The following NEK1 variants were observed in gnomAD, a reference collection of about 807,000 sequenced individuals.
The protein encoded by NEK1 is serine/threonine-protein kinase Nek1.
NEK1 carries 137 observed loss-of-function variants against 182.1 expected under a neutral mutation model. That is an observed-to-expected ratio of 0.75 (90% CI 0.65 to 0.87). The LOEUF is 0.87. Among genes scored for constraint, NEK1 ranks in the 40% least tolerant of loss-of-function variants. The pLI, the probability that NEK1 is intolerant of heterozygous loss-of-function variation, is 0.00. For synonymous variants in NEK1, 513 were observed against 492.2 expected (o/e 1.04, Z -0.56); for missense variants, 1,391 against 1,494.4 (o/e 0.93, Z 1.14).
chr4:169,418,916 C>G (rs1012042768), intron 31 of NEK1, among the ~76,000 whole-genome samples: 1 of 151,970 alleles, frequency 6.6e-6, no homozygotes, highest in Non-Finnish European at 1.5e-5. Context: ...ACAGGATAAA[C>G]ACACACACAT....
chr4:169,415,514 C>T (rs1734393706), intron 31 of NEK1, among the ~76,000 whole-genome samples: 2 of 150,138 alleles, frequency 1.3e-5, no homozygotes, highest in African/African-American at 5.1e-5. Context: ...AAATCTTATA[C>T]TCAATATTAA....
rs532578278 is a variant in NEK1 at position 169,393,349 on chromosome 4, G to A, written c.*1161C>T. The A allele has an allele frequency of 1.4e-4, 21 of 152,060 alleles. No individual in the cohort carries two copies. The highest frequency in any genetic ancestry group is 3.1e-4 in the African/African-American group (13 of 41,494). The allele number at this position is 152,060 out of a possible 1,614,324, so 9.4% of individuals were successfully genotyped here. A position where few individuals can be genotyped will look rare whatever the true frequency, so the allele number is the denominator to read the frequency against. On this transcript the variant is annotated 3_prime_UTR_variant, in exon 36 of 36. Transcript: ENST00000507142. Reference sequence around the variant, plus strand: ...ATTAAAAAATCAAGTATTTAGTTTCGGATATTAGAAATAATATACATAATA... The same window carrying A: ...ATTAAAAAATCAAGTATTTAGTTTCAGATATTAGAAATAATATACATAATA...
chr4:169,455,126 A>G (rs1266817772), intron 27 of NEK1, among the ~76,000 whole-genome samples: 6 of 152,154 alleles, frequency 3.9e-5, no homozygotes, highest in Admixed American at 6.5e-5. Context: ...GAACTGAACA[A>G]TGAGATTACT....
chr4:169,610,597 G>A (rs1207503664), intron 2 of NEK1, among the ~76,000 whole-genome samples: 3 of 152,192 alleles, frequency 2.0e-5, no homozygotes, highest in African/African-American at 7.2e-5. Context: ...ACAGGTAAGA[G>A]CCACAGCACC....
chr4:169,575,734 G>C (rs999860345), intron 12 of NEK1, among the ~76,000 whole-genome samples: 15 of 152,092 alleles, frequency 9.9e-5, no homozygotes, highest in Admixed American at 8.5e-4. Flanking sequence ...CTCTTTGCCA[G>C]CCCCAGACTG....
intron 23 of NEK1, among the ~76,000 whole-genome samples, chr4:169,497,290 T>A (rs1471690053): frequency 6.6e-6 from 1 of 152,340 alleles, no homozygotes; most frequent in Non-Finnish European, 1.5e-5. Flanking sequence ...TTGATTCTTC[T>A]CTCTTTTCTT....
intron 27 of NEK1, among the ~76,000 whole-genome samples, chr4:169,448,448 A>G (rs1054971208): frequency 2.6e-5 from 4 of 152,194 alleles, no homozygotes; most frequent in Non-Finnish European, 5.9e-5. Flanking sequence ...CATACAACAG[A>G]TACGCAAAAA....
chr4:169,565,323 T>A (rs1580803363), intron 12 of NEK1, among the ~76,000 whole-genome samples: 2 of 152,188 alleles, frequency 1.3e-5, no homozygotes, highest in African/African-American at 2.4e-5. Flanking sequence ...CTACTTTCTA[T>A]CACTTGAAAC....
intron 12 of NEK1, among the ~76,000 whole-genome samples, chr4:169,573,409 G>T (rs183573363): frequency 6.6e-6 from 1 of 152,274 alleles, no homozygotes; most frequent in African/African-American, 2.4e-5. Flanking sequence ...ATTTGATATT[G>T]TTGGTTACAT....
In NEK1 at chr4:169,394,313, T is replaced by C; in HGVS notation, c.*197A>G. 2.2e-6 allele frequency: 1 copy of C among 453,714 alleles called. No homozygotes were observed. The highest frequency in any genetic ancestry group is 4.0e-6 in the Non-Finnish European group (1 of 252,608). 28.1% of individuals were successfully genotyped at this position (453,714 alleles called of 1,614,324 possible). A position where few individuals can be genotyped will look rare whatever the true frequency, so the allele number is the denominator to read the frequency against. On this transcript the variant is annotated 3_prime_UTR_variant, in exon 36 of 36. Coordinates refer to ENST00000507142, the MANE Select transcript of NEK1 (RefSeq NM_001199397.3). ...TATGAGATTTAACCATGGAATTCAA[T>C]GAACAAAATAGATAAAATATTAGAA... is the stretch of plus-strand genomic sequence containing the variant.
At chr4:169,495,386 G>A (rs1372581842) in intron 23 of NEK1, among the ~76,000 whole-genome samples, 1 of 151,808 alleles carries the variant, frequency 6.6e-6, no homozygotes, top group Admixed American at 6.6e-5. Flanking sequence ...TGGGACTACA[G>A]GCGCGCGCCA....
rs973451925 is a variant in NEK1 at position 169,601,828 on chromosome 4, T to G, written c.214+180A>C. On this transcript the variant is annotated intron_variant, in intron 4 of 35. Transcript: ENST00000507142. ...TCCAGCCTGGGCCACTGAGCGAGAC[T>G]GTCTCAATTTAAAAAAAAAAAAAAA... Among the ~76,000 whole-genome samples the G allele has an allele frequency of 3.2e-4, 49 of 151,218 alleles. 1 individual carries two copies. The highest frequency in any genetic ancestry group is 6.5e-4 in the Non-Finnish European group (44 of 67,860).
intron 23 of NEK1, among the ~76,000 whole-genome samples, chr4:169,495,015 A>G (rs1750900155): frequency 6.6e-6 from 1 of 152,120 alleles, no homozygotes; most frequent in Admixed American, 6.5e-5. Context: ...AGTAGGTTGC[A>G]AAAATTTTCT....
intron 19 of NEK1, among the ~76,000 whole-genome samples, chr4:169,509,467 C>G (rs1655265674): frequency 6.6e-6 from 1 of 152,022 alleles, no homozygotes. Context: ...CTCTTTAGTC[C>G]CACTTTCCTG....
intron 24 of NEK1, 129 bp downstream of exon 24, chr4:169,479,274 C>T (rs1747541017): frequency 2.1e-6 from 2 of 933,280 alleles, no homozygotes; most frequent in Non-Finnish European, 1.6e-6. Context: ...ACTAAAATCC[C>T]TTAAAAAGTA....
At chr4:169,558,632 T>C (rs1762478284) in intron 16 of NEK1, among the ~76,000 whole-genome samples, 1 of 152,196 alleles carries the variant, frequency 6.6e-6, no homozygotes, top group Non-Finnish European at 1.5e-5. Flanking sequence ...GGTATTCCAA[T>C]ATATTTTCAA....
At chr4:169,547,276 T>C (rs1372961796) in intron 18 of NEK1, among the ~76,000 whole-genome samples, 1 of 152,244 alleles carries the variant, frequency 6.6e-6, no homozygotes, top group African/African-American at 2.4e-5. Context: ...AAAATTATTT[T>C]CTTGAAGAAT....
Position 169,477,140 on chromosome 4 carries a change from G to T in NEK1, c.2418C>A (p.Ser806=). The change falls in exon 26 of 36, where the codon TCC becomes TCA. Residue 806 remains serine (S), a synonymous_variant. Coordinates refer to ENST00000507142, the MANE Select transcript of NEK1 (RefSeq NM_001199397.3). ...IPLDELTLDT[S]FSTTERHTVG... The stretch of plus-strand genomic sequence containing the variant: ...TATACATACTTTCAGTTGTAGAGAA[G>T]GATGTATCTAGTGTTAACTCATCCA... 1 of 1,599,564 alleles carries T rather than the reference G, an allele frequency of 6.3e-7. No individual in the cohort carries two copies. The highest frequency in any genetic ancestry group is 2.2e-5 in the East Asian group (1 of 44,502).
At chr4:169,446,117 A>G (rs1444852303) in intron 27 of NEK1, among the ~76,000 whole-genome samples, 1 of 151,998 alleles carries the variant, frequency 6.6e-6, no homozygotes, top group Non-Finnish European at 1.5e-5. Context: ...GTTAAATAGA[A>G]TAAAATTCTA....
Sources: allele counts gnomAD v4.1 joint callset (sites outside exome capture counted in the v4.1 genomes callset), GRCh38; gene constraint gnomAD v4.1.1; transcripts MANE v1.5; gene names NCBI Gene and HGNC (gene_info 2026-07-23, HGNC 2026-07-21).